Variants in BAZ2B observed in about 807,000 individuals in gnomAD.
BAZ2B encodes bromodomain adjacent to zinc finger domain 2B.
BAZ2B carries 91 observed loss-of-function variants against 246.0 expected under a neutral mutation model. The observed-to-expected ratio is 0.37, with a 90% CI of 0.31 to 0.44. The LOEUF is 0.44. BAZ2B is among the 20% of genes least tolerant of loss of function. The probability of loss-of-function intolerance (pLI) is 1.00; values close to 1 mark genes in which losing one functional copy is unlikely to be tolerated. For missense variants in BAZ2B, 2,332 were observed against 2,533.7 expected (o/e 0.92, Z 1.71); for synonymous variants, 855 against 860.0 (o/e 0.99, Z 0.10).
At chr2:159,637,724 AT>A in the BAZ2B span, among the ~76,000 whole-genome samples, 1 of 151,752 alleles carries the variant, frequency 6.6e-6, no homozygotes, top group Non-Finnish European at 1.5e-5. Flanking sequence ...TGCCCGAGTA[AT>A]TTTTTTTGTA....
chr2:159,475,944 C>A (rs2078488453), intron 3 of BAZ2B, among the ~76,000 whole-genome samples: 1 of 152,094 alleles, frequency 6.6e-6, no homozygotes, highest in African/African-American at 2.4e-5. Context: ...CTGCCAGATG[C>A]CAGCCAGAGC....
chr2:159,674,297 T>G, the BAZ2B span, among the ~76,000 whole-genome samples: 1 of 139,436 alleles, frequency 7.2e-6, no homozygotes, highest in African/African-American at 2.7e-5. Context: ...ATCACACCAT[T>G]GCACTCCAGC....
chr2:159,582,510 A>C (rs1011601106), intron 1 of BAZ2B, among the ~76,000 whole-genome samples: 1 of 152,076 alleles, frequency 6.6e-6, no homozygotes. Context: ...CAGCCTCCGG[A>C]GTAGCTGGGA....
Position 159,438,357 on chromosome 2 carries a change from A to G in BAZ2B, c.1239T>C (p.Asn413=). ...VPSPDVLKAG[N]KNTSEESSLL... is the part of the protein sequence containing the mutation. ...AACTAGATTCTTCAGAGGTATTTTT[A>G]TTCCCTGCTTTAAGAACATCAGGAG... The change falls in exon 8 of 37, where the codon AAT becomes AAC. Residue 413 remains asparagine, a synonymous_variant. Coordinates refer to ENST00000392783, the MANE Select transcript of BAZ2B (RefSeq NM_013450.4). The G allele has an allele frequency of 6.2e-7, 1 of 1,614,068 alleles. No homozygotes were observed. Among genetic ancestry groups the G allele is most frequent in the South Asian group, 1.1e-5 (1 of 91,080 alleles).
chr2:159,542,106 A>T (rs1224294507), intron 2 of BAZ2B, among the ~76,000 whole-genome samples: 1 of 152,232 alleles, frequency 6.6e-6, no homozygotes, highest in Non-Finnish European at 1.5e-5. Context: ...AAACTTGAAG[A>T]TAGGTCAACT....
chr2:159,437,821 A>G (rs10166944), intron 8 of BAZ2B: 71,200 of 154,084 alleles, frequency 0.46, 17,860 homozygotes, highest in Middle Eastern at 0.59. Flanking sequence ...GAAGTCTGAG[A>G]CAGCAGGATC....
chr2:159,421,543 A>T (rs576395348), intron 13 of BAZ2B, among the ~76,000 whole-genome samples: 1 of 152,140 alleles, frequency 6.6e-6, no homozygotes, highest in Admixed American at 6.5e-5. Context: ...AAAGGTAATA[A>T]TTACATTGTT....
At chr2:159,655,599 TC>T in the BAZ2B span, among the ~76,000 whole-genome samples, 4 of 152,074 alleles carry the variant, frequency 2.6e-5, no homozygotes, top group Non-Finnish European at 5.9e-5. Flanking sequence ...TTATTTTTTC[TC>T]CCCCCTCACC....
intron 2 of BAZ2B, among the ~76,000 whole-genome samples, chr2:159,536,784 A>G (rs1482772510): frequency 1.3e-5 from 2 of 152,172 alleles, no homozygotes; most frequent in Non-Finnish European, 2.9e-5. Flanking sequence ...TTATATAATA[A>G]CCAAAGTGGA....
chr2:159,360,218 G>A (rs1024220492), intron 27 of BAZ2B, among the ~76,000 whole-genome samples: 1 of 152,184 alleles, frequency 6.6e-6, no homozygotes, highest in African/African-American at 2.4e-5. Context: ...CATCGTCTCA[G>A]CCCAAAATCT....
chr2:159,695,719 G>C, the BAZ2B span, among the ~76,000 whole-genome samples: 1 of 151,862 alleles, frequency 6.6e-6, no homozygotes, highest in Admixed American at 6.6e-5. Flanking sequence ...TAAAGTCTCA[G>C]TTCTATTCCA....
chr2:159,452,265 A>G (rs1205940060), intron 4 of BAZ2B, among the ~76,000 whole-genome samples: 1 of 152,228 alleles, frequency 6.6e-6, no homozygotes, highest in Non-Finnish European at 1.5e-5. Flanking sequence ...CCTTTTAAGG[A>G]AGGATTTGAT....
At chr2:159,605,662 T>C (rs546536071) in intron 1 of BAZ2B, among the ~76,000 whole-genome samples, 2 of 151,844 alleles carry the variant, frequency 1.3e-5, no homozygotes, top group East Asian at 3.9e-4. Context: ...GAGGCTAAGA[T>C]GGGAGGATCT....
intron 2 of BAZ2B, among the ~76,000 whole-genome samples, chr2:159,489,985 T>TGAAAG (rs2080263685): frequency 6.6e-6 from 1 of 152,186 alleles, no homozygotes; most frequent in African/African-American, 2.4e-5. Context: ...TTCCATCAAT[T>TGAAAG]TATTCCTTGA....
Position 159,519,856 on chromosome 2 carries a change from G to A in BAZ2B, c.-3+35967C>T, listed in dbSNP as rs146378106. Among the ~76,000 whole-genome samples the A allele has an allele frequency of 4.1e-3, 507 of 124,630 alleles. 4 individuals are homozygous for A. Among genetic ancestry groups the A allele is most frequent in the African/African-American group, 0.014 (470 of 34,800 alleles). The allele number at this position is 124,630 out of a possible 152,430, so 81.8% of individuals were successfully genotyped here. Reference sequence around the variant, plus strand: ...TTAACTGAAATGAGTTCCTCTTTTCGTTGGTGATCTTCCTTCTATGATCCT... The same window carrying A: ...TTAACTGAAATGAGTTCCTCTTTTCATTGGTGATCTTCCTTCTATGATCCT... On this transcript the variant is annotated intron_variant, in intron 2 of 36. Transcript: ENST00000392783.
the BAZ2B span, among the ~76,000 whole-genome samples, chr2:159,692,162 T>A: frequency 5.3e-5 from 8 of 152,222 alleles, no homozygotes; most frequent in African/African-American, 1.9e-4. Flanking sequence ...CTTAATTTTT[T>A]TTTTCTTTTT....
chr2:159,429,186 C>A lies in BAZ2B; in HGVS notation c.2255+14G>T. On this transcript the variant is annotated intron_variant, in intron 11 of 36. Coordinates refer to ENST00000392783, the MANE Select transcript of BAZ2B (RefSeq NM_013450.4). ...ATGGGGGAAAAAGAAAAAGGAAAAC[C>A]TTATTTTGCATACCCATATTCCAAT... The A allele has an allele frequency of 6.6e-7, 1 of 1,512,246 alleles. No individual in the cohort carries two copies. Among genetic ancestry groups the A allele is most frequent in the Non-Finnish European group, 8.9e-7 (1 of 1,123,152 alleles). 93.7% of individuals were successfully genotyped at this position (1,512,246 alleles called of 1,614,324 possible). A position where few individuals can be genotyped will look rare whatever the true frequency, so the allele number is the denominator to read the frequency against.
At chr2:159,472,643 T>C (rs1039816606) in intron 3 of BAZ2B, among the ~76,000 whole-genome samples, 1 of 152,198 alleles carries the variant, frequency 6.6e-6, no homozygotes, top group Non-Finnish European at 1.5e-5. Context: ...GCTCTTATTA[T>C]TTGGAGATAG....
At chr2:159,693,178 T>C in the BAZ2B span, 1 of 49,790 alleles carries the variant, frequency 2.0e-5, no homozygotes, top group Admixed American at 2.3e-4. Flanking sequence ...GATATTGGTT[T>C]GTAATTTTTT....
Sources: gnomAD v4.1 joint callset for allele counts (sites outside exome capture counted in the v4.1 genomes callset) on GRCh38, gnomAD v4.1.1 for gene constraint, MANE v1.5 for transcripts, NCBI Gene and HGNC (gene_info 2026-07-23, HGNC 2026-07-21) for gene names.